Variants in UGT1A9 observed in about 807,000 individuals in gnomAD.
UGT1A9 encodes the protein UDP-glucuronosyltransferase 1A9.
In UGT1A9, 35 loss-of-function variants were observed where a neutral mutation model predicts 45.0. The observed-to-expected ratio is 0.78, with a 90% CI of 0.59 to 1.03. UGT1A9 has a LOEUF of 1.03. Ranked by LOEUF, UGT1A9 falls within the 50% of genes least tolerant of loss-of-function variation. UGT1A9 has a pLI of 0.00. For synonymous variants in UGT1A9, 278 were observed against 250.6 expected, an observed-to-expected ratio of 1.11 and a Z score of -1.03; for missense variants, 687 against 666.6, an observed-to-expected ratio of 1.03 and a Z score of -0.34.
intron 1 of UGT1A9, among the ~76,000 whole-genome samples, chr2:233,673,796 C>T (rs1448709980): frequency 6.6e-6 from 1 of 152,062 alleles, no homozygotes; most frequent in Non-Finnish European, 1.5e-5. Context: ...TTGTATCCAG[C>T]CACATTACTA....
rs146196081 is a variant in UGT1A9 at position 233,726,249 on chromosome 2, T to G, written c.856-40785T>G. ...TTTTTAAAACTCCAATATGAAAAGC[T>G]GGGTGCAGTGGCATGCGCCTATGGT... On this transcript the variant is annotated intron_variant, in intron 1 of 4. Transcript: ENST00000354728. Among the ~76,000 whole-genome samples, 3 of 152,316 alleles carry G rather than the reference T, an allele frequency of 2.0e-5. No individual in the cohort carries two copies. In the East Asian group the frequency reaches 5.8e-4, roughly 29 times the overall value.
intron 1 of UGT1A9, chr2:233,755,092 ACGC>A (rs1418876721): frequency 2.2e-6 from 3 of 1,335,040 alleles, no homozygotes; most frequent in Non-Finnish European, 3.0e-6. Flanking sequence ...TCGCGTTTCT[ACGC>A]GTCCGACAAC....
At position 233,728,248 on chromosome 2, in the gene UGT1A9, GA is replaced by G. The variant is rs150082316; in HGVS notation, c.856-38785del. ...ATCTTCAGGATGAAATAAAGGCCTGGATGACTGAAATAAAGACTGGAGCCTT... is the reference window on the plus strand; with the variant it reads ...ATCTTCAGGATGAAATAAAGGCCTGGTGACTGAAATAAAGACTGGAGCCTT... On this transcript the variant is annotated intron_variant, in intron 1 of 4. Transcript: ENST00000354728. 8.8e-3 allele frequency among the ~76,000 whole-genome samples: 1,334 copies of G among 152,284 alleles called. 20 individuals carry two copies. The highest frequency in any genetic ancestry group is 0.03 in the African/African-American group (1,244 of 41,558).
At chr2:233,720,203 G>C (rs1171500164) in intron 1 of UGT1A9, among the ~76,000 whole-genome samples, 1 of 152,178 alleles carries the variant, frequency 6.6e-6, no homozygotes, top group Non-Finnish European at 1.5e-5. Context: ...GGGCTGTGAA[G>C]GTGGGATGGA....
chr2:233,709,243 A>C (rs2125614867), intron 1 of UGT1A9, among the ~76,000 whole-genome samples: 1 of 152,276 alleles, frequency 6.6e-6, no homozygotes, highest in South Asian at 2.1e-4. Context: ...GGCCGCTGGG[A>C]TGAGATAGGA....
At chr2:233,760,684 A>G in intron 1 of UGT1A9, 1 of 1,614,204 alleles carries the variant, frequency 6.2e-7, no homozygotes, top group Non-Finnish European at 8.5e-7. Context: ...CTTACTGCAC[A>G]ACAAGGAGCT....
chr2:233,765,544 G>A (rs148810143), intron 1 of UGT1A9, among the ~76,000 whole-genome samples: 5,118 of 152,186 alleles, frequency 0.034, 277 homozygotes, highest in African/African-American at 0.12. Context: ...CTCATAAGTG[G>A]GAGTTGAACA....
At chr2:233,770,880 T>C (rs1452182002) in intron 4 of UGT1A9, 6 of 152,248 alleles carry the variant, frequency 3.9e-5, no homozygotes, top group African/African-American at 1.2e-4. Context: ...AGAGGTTTCA[T>C]TGGCTCGTGT....
chr2:233,766,377 AATGT>A (rs1451884562), intron 1 of UGT1A9, among the ~76,000 whole-genome samples: 1 of 151,914 alleles, frequency 6.6e-6, no homozygotes, highest in Non-Finnish European at 1.5e-5. Context: ...AGTTCTTCTC[AATGT>A]CCAGCTGTCC....
At position 233,767,022 on chromosome 2, in the gene UGT1A9, T is replaced by G. The variant is rs1433529256; in HGVS notation, c.856-12T>G. 2.5e-6 allele frequency: 4 copies of G among 1,613,876 alleles called. No homozygotes were observed. The African/African-American group carries it at 5.3e-5, about 22-fold the overall frequency. On this transcript the variant is annotated splice_polypyrimidine_tract_variant and intron_variant, in intron 1 of 4. Coordinates refer to ENST00000354728, the MANE Select transcript of UGT1A9 (RefSeq NM_021027.3). Reference sequence around the variant, plus strand: ...AGAAAAAATTAACTGAAAATTTTTCTTCTGGCTCTAGGAATTTGAAGCCTA... The same window carrying G: ...AGAAAAAATTAACTGAAAATTTTTCGTCTGGCTCTAGGAATTTGAAGCCTA...
chr2:233,730,336 A>G (rs552905312), intron 1 of UGT1A9, among the ~76,000 whole-genome samples: 1 of 152,310 alleles, frequency 6.6e-6, no homozygotes, highest in African/African-American at 2.4e-5. Flanking sequence ...TACGTTTGGA[A>G]CTGATCCATC....
In UGT1A9 at chr2:233,706,530, AAC is replaced by A. The variant is rs1236374777; in HGVS notation, c.855+33745_855+33746del. Among the ~76,000 whole-genome samples, 8 of 152,328 alleles carry A rather than the reference AAC, an allele frequency of 5.3e-5. No homozygotes were observed. The East Asian group carries it at 1.3e-3, about 26-fold the overall frequency. ...GCTGAGGATTTTACAGCGGCTTAGA[AAC>A]ACAGCTTTTTTTCTAGGTGTTTCTC... On this transcript the variant is annotated intron_variant, in intron 1 of 4. Transcript: ENST00000354728.
chr2:233,681,820 T>C, intron 1 of UGT1A9: 1 of 1,500,444 alleles, frequency 6.7e-7, no homozygotes, highest in Non-Finnish European at 8.9e-7. Flanking sequence ...AATTTTTTTT[T>C]AAATGAATGA....
At chr2:233,682,184 C>G in intron 1 of UGT1A9, 1 of 1,614,234 alleles carries the variant, frequency 6.2e-7, no homozygotes, top group Non-Finnish European at 8.5e-7. Context: ...CTCATACACT[C>G]TGGAGGATCA....
chr2:233,680,451 G>T (rs17863777), intron 1 of UGT1A9, among the ~76,000 whole-genome samples: 1,847 of 152,270 alleles, frequency 0.012, 17 homozygotes, highest in Admixed American at 0.02. Context: ...AAGTGACTAA[G>T]CAAATGTCTA....
chr2:233,706,970 T>G (rs1184421684), intron 1 of UGT1A9, among the ~76,000 whole-genome samples: 1 of 152,146 alleles, frequency 6.6e-6, no homozygotes, highest in Non-Finnish European at 1.5e-5. Flanking sequence ...AGAAACTTGA[T>G]TCTTCACAGA....
chr2:233,697,746 G>C (rs1034433125), intron 1 of UGT1A9, among the ~76,000 whole-genome samples: 10 of 151,906 alleles, frequency 6.6e-5, no homozygotes, highest in Non-Finnish European at 1.5e-4. Context: ...TTTTGCTATA[G>C]CCCATAGATT....
In UGT1A9 at chr2:233,672,598, C is replaced by T. The variant is rs762262088; in HGVS notation, c.664C>T (p.Arg222Cys). Residue 222 changes from arginine (R) to cysteine (C), a missense_variant, in exon 1 of 5, where the codon CGT becomes TGT. By Grantham distance (180) the Arg-to-Cys change is radical. Coordinates refer to ENST00000354728, the MANE Select transcript of UGT1A9 (RefSeq NM_021027.3). ...CTTGGAGGAACATTTATTATGCCAC[C>T]GTTTTTTCAAAAATGCCCTAGAAAT... ...MHLEEHLLCH[R>C]FFKNALEIAS... 24 of 1,613,836 alleles carry T rather than the reference C, an allele frequency of 1.5e-5. No homozygotes were observed. The highest frequency in any genetic ancestry group is 1.2e-4 in the South Asian group (11 of 91,064).
chr2:233,724,327 A>G (rs1359142433), intron 1 of UGT1A9, among the ~76,000 whole-genome samples: 358 of 72,230 alleles, frequency 5.0e-3, no homozygotes, highest in African/African-American at 8.2e-3. Flanking sequence ...GCGGCTGGCC[A>G]GGCGGGGGGC....
Sources: allele counts gnomAD v4.1 joint callset (sites outside exome capture counted in the v4.1 genomes callset), GRCh38; gene constraint gnomAD v4.1.1; transcripts MANE v1.5; gene names NCBI Gene and HGNC (gene_info 2026-07-23, HGNC 2026-07-21).